Variants in TAFA1 observed in about 807,000 individuals in gnomAD.
TAFA1 encodes chemokine-like protein TAFA-1.
Under a neutral mutation model 18.5 loss-of-function variants are expected in TAFA1, and 4 were observed. The observed-to-expected ratio is 0.22, with a 90% confidence interval of 0.11 to 0.49. The LOEUF is 0.49. Among genes scored for constraint, TAFA1 ranks in the 20% least tolerant of loss-of-function variants. The pLI, the probability that TAFA1 is intolerant of heterozygous loss-of-function variation, is 0.98. For missense variants in TAFA1, 147 were observed against 169.0 expected (o/e 0.87, Z 0.72); for synonymous variants, 56 against 55.2 (o/e 1.01, Z -0.06).
At position 68,377,706 on chromosome 3, in the gene TAFA1, A is replaced by G. The variant is rs545200335; in HGVS notation, c.119-39574A>G. 5.3e-5 allele frequency among the ~76,000 whole-genome samples: 8 copies of G among 152,270 alleles called. No individual in the cohort carries two copies. The East Asian group carries it at 1.5e-3, about 29-fold the overall frequency. The stretch of plus-strand genomic sequence containing the variant: ...GATCTTAGCAGTATCCCCTCCCATC[A>G]CAGGCCTTGCAGCCTAAAAGTAACA... On this transcript the variant is annotated intron_variant, in intron 2 of 4. Coordinates refer to ENST00000478136, the MANE Select transcript of TAFA1 (RefSeq NM_213609.4).
intron 2 of TAFA1, among the ~76,000 whole-genome samples, chr3:68,102,640 A>G (rs1379772453): frequency 3.9e-5 from 6 of 152,194 alleles, no homozygotes; most frequent in Non-Finnish European, 8.8e-5. Context: ...GTTTATTGGT[A>G]CATTTCTAAG....
chr3:68,441,703 A>G (rs2071384239), intron 3 of TAFA1, among the ~76,000 whole-genome samples: 1 of 152,054 alleles, frequency 6.6e-6, no homozygotes, highest in African/African-American at 2.4e-5. Context: ...CACCTCTGCC[A>G]CCCTGCCTTT....
intron 2 of TAFA1, among the ~76,000 whole-genome samples, chr3:68,016,090 G>C (rs1704564334): frequency 6.6e-6 from 1 of 152,108 alleles, no homozygotes; most frequent in Non-Finnish European, 1.5e-5. Flanking sequence ...TAGTGGTTTA[G>C]TTTCATCATT....
chr3:68,173,622 A>G (rs1364910508), intron 2 of TAFA1, among the ~76,000 whole-genome samples: 1 of 152,198 alleles, frequency 6.6e-6, no homozygotes. Context: ...TTTTCCTATG[A>G]GAGTACATTT....
At chr3:68,256,049 A>G (rs1419839081) in intron 2 of TAFA1, among the ~76,000 whole-genome samples, 1 of 152,172 alleles carries the variant, frequency 6.6e-6, no homozygotes, top group Non-Finnish European at 1.5e-5. Flanking sequence ...TATCAAAGCC[A>G]GAAAAGCGCA....
intron 3 of TAFA1, among the ~76,000 whole-genome samples, chr3:68,443,558 G>T (rs1211825000): frequency 6.6e-6 from 1 of 151,676 alleles, no homozygotes; most frequent in Non-Finnish European, 1.5e-5. Context: ...TCACAATCAT[G>T]GTGGAAAGTG....
chr3:68,503,539 G>C (rs1434811878), intron 3 of TAFA1, among the ~76,000 whole-genome samples: 1 of 152,118 alleles, frequency 6.6e-6, no homozygotes, highest in Non-Finnish European at 1.5e-5. Context: ...AGAGGAAAAT[G>C]ATGATGCTTA....
At chr3:68,124,591 A>G (rs892059493) in intron 2 of TAFA1, among the ~76,000 whole-genome samples, 2 of 152,240 alleles carry the variant, frequency 1.3e-5, no homozygotes, top group Non-Finnish European at 2.9e-5. Context: ...GATAATAGCC[A>G]GTGCTCTACT....
At chr3:68,491,970 C>T (rs1272458816) in intron 3 of TAFA1, among the ~76,000 whole-genome samples, 1 of 152,166 alleles carries the variant, frequency 6.6e-6, no homozygotes, top group African/African-American at 2.4e-5. Flanking sequence ...CAAACTGTAT[C>T]GATGACCTAC....
chr3:68,220,139 G>A (rs907555889), intron 2 of TAFA1, among the ~76,000 whole-genome samples: 3 of 152,144 alleles, frequency 2.0e-5, no homozygotes, highest in African/African-American at 7.2e-5. Flanking sequence ...TTCTTAATTA[G>A]AAAAGAATGT....
intron 2 of TAFA1, among the ~76,000 whole-genome samples, chr3:68,164,505 A>G (rs191864202): frequency 1.0e-3 from 154 of 152,222 alleles, no homozygotes; most frequent in African/African-American, 3.3e-3. Context: ...TGTAAACTCG[A>G]CAAATTTTCA....
chr3:68,074,570 A>C (rs893078369), intron 2 of TAFA1, among the ~76,000 whole-genome samples: 2 of 152,230 alleles, frequency 1.3e-5, no homozygotes, highest in African/African-American at 4.8e-5. Context: ...CACTAAAATG[A>C]AAAAGAAAAA....
intron 2 of TAFA1, among the ~76,000 whole-genome samples, chr3:68,007,348 A>G (rs1704376200): frequency 6.6e-6 from 1 of 151,684 alleles, no homozygotes; most frequent in Non-Finnish European, 1.5e-5. Context: ...TGTTTTTCCT[A>G]TATTGAATTT....
At chr3:68,303,518 G>C (rs2068344518) in intron 2 of TAFA1, among the ~76,000 whole-genome samples, 1 of 152,022 alleles carries the variant, frequency 6.6e-6, no homozygotes, top group Admixed American at 6.5e-5. Context: ...TCAGCTCACT[G>C]CAAGCTCTGC....
chr3:68,501,186 T>G (rs917516895), intron 3 of TAFA1, among the ~76,000 whole-genome samples: 5 of 151,280 alleles, frequency 3.3e-5, no homozygotes, highest in African/African-American at 1.2e-4. Flanking sequence ...GGGAAAATGT[T>G]TTAGGGAGCC....
chr3:68,263,446 T>TAC (rs3033685), intron 2 of TAFA1, among the ~76,000 whole-genome samples: 11,808 of 137,616 alleles, frequency 0.086, 560 homozygotes, highest in East Asian at 0.2. Flanking sequence ...CACACACACA[T>TAC]ACACACACAC....
chr3:68,409,666 A>G (rs1179500622), intron 2 of TAFA1, among the ~76,000 whole-genome samples: 1 of 152,152 alleles, frequency 6.6e-6, no homozygotes, highest in Admixed American at 6.6e-5. Context: ...GACTAATACA[A>G]TCACCAACAG....
chr3:68,506,280 G>A (rs2072752326), intron 3 of TAFA1, among the ~76,000 whole-genome samples: 1 of 151,978 alleles, frequency 6.6e-6, no homozygotes. Context: ...TCTTTATCCA[G>A]TCTATCACTG....
Position 68,004,598 on chromosome 3 carries a change from T to C in TAFA1, c.-108T>C, listed in dbSNP as rs1424769887. 1 of 151,866 alleles carries C rather than the reference T, an allele frequency of 6.6e-6. No homozygotes were observed. Among genetic ancestry groups the C allele is most frequent in the Non-Finnish European group, 1.5e-5 (1 of 67,948 alleles). The allele number at this position is 151,866 out of a possible 1,614,324, so 9.4% of individuals were successfully genotyped here. ...CTGATAAAGAAGATTGTTGGGAAGCTCTTTGAAAAAAAATTTTAAATTGTG... is the reference window on the plus strand; with the variant it reads ...CTGATAAAGAAGATTGTTGGGAAGCCCTTTGAAAAAAAATTTTAAATTGTG... On this transcript the variant is annotated 5_prime_UTR_variant, in exon 1 of 5. Transcript: ENST00000478136.
Sources: gnomAD v4.1 joint callset for allele counts (sites outside exome capture counted in the v4.1 genomes callset) on GRCh38, gnomAD v4.1.1 for gene constraint, MANE v1.5 for transcripts, NCBI Gene and HGNC (gene_info 2026-07-23, HGNC 2026-07-21) for gene names.